SESTD1: variants seen among roughly 807,000 people sequenced by gnomAD.
The protein encoded by SESTD1 is SEC14 and spectrin domain containing 1, also known as SEC14 domain and spectrin repeat-containing protein 1.
A neutral mutation model predicts 101.7 loss-of-function variants in SESTD1; 43 were observed. The observed-to-expected ratio is 0.42, with a 90% CI of 0.33 to 0.55. The LOEUF is 0.55. Ranked by LOEUF, SESTD1 falls within the 20% of genes least tolerant of loss-of-function variation. The probability of loss-of-function intolerance (pLI) is 0.07; values close to 1 mark genes in which losing one functional copy is unlikely to be tolerated. For synonymous variants in SESTD1, 283 were observed against 286.8 expected (o/e 0.99, Z 0.13); for missense variants, 647 against 815.1 (o/e 0.79, Z 2.51).
chr2:179,179,333 A>G (rs1454820640), intron 3 of SESTD1, among the ~76,000 whole-genome samples: 2 of 152,292 alleles, frequency 1.3e-5, no homozygotes, highest in African/African-American at 4.8e-5. Flanking sequence ...CCAGCCTCCT[A>G]GTTCCTAGTC....
At chr2:179,154,828 GTTCTT>G (rs1454010442) in intron 5 of SESTD1, among the ~76,000 whole-genome samples, 2 of 152,138 alleles carry the variant, frequency 1.3e-5, no homozygotes. Context: ...AGAATTACAT[GTTCTT>G]TTCAAGCAAG....
intron 12 of SESTD1, among the ~76,000 whole-genome samples, chr2:179,123,085 C>G (rs1373939342): frequency 6.6e-6 from 1 of 152,084 alleles, no homozygotes; most frequent in South Asian, 2.1e-4. Flanking sequence ...CCCCTTGATA[C>G]GACTCCCCAC....
At chr2:179,124,954 C>G (rs1302590846) in intron 10 of SESTD1, among the ~76,000 whole-genome samples, 2 of 152,116 alleles carry the variant, frequency 1.3e-5, no homozygotes, top group African/African-American at 4.8e-5. Context: ...TAGATTACAT[C>G]TTTTCAGCTT....
chr2:179,105,396 A>G lies in SESTD1; in HGVS notation c.*4503T>C, dbSNP rs995211899. ...TTGCTGTTCTATTATCTTCCTACAAAAATAGCTAATTTGTCAGATTTCAAA... is the reference window on the plus strand; with the variant it reads ...TTGCTGTTCTATTATCTTCCTACAAGAATAGCTAATTTGTCAGATTTCAAA... On this transcript the variant is annotated 3_prime_UTR_variant, in exon 18 of 18. Transcript: ENST00000428443. 4 of 152,064 alleles carry G rather than the reference A, an allele frequency of 2.6e-5. No homozygotes were observed. The highest frequency in any genetic ancestry group is 5.9e-5 in the Non-Finnish European group (4 of 68,016). The allele number at this position is 152,064 out of a possible 1,614,324, so 9.4% of individuals were successfully genotyped here. A position where few individuals can be genotyped will look rare whatever the true frequency, so the allele number is the denominator to read the frequency against.
intron 1 of SESTD1, among the ~76,000 whole-genome samples, chr2:179,213,536 A>C (rs1225882192): frequency 2.2e-5 from 3 of 135,514 alleles, no homozygotes; most frequent in Non-Finnish European, 4.8e-5. Flanking sequence ...GTGTACCTGA[A>C]AGTGAGAAGG....
chr2:179,247,467 C>A (rs1266064011), intron 1 of SESTD1, among the ~76,000 whole-genome samples: 2 of 152,144 alleles, frequency 1.3e-5, no homozygotes, highest in Non-Finnish European at 2.9e-5. Context: ...CTCTGTCACC[C>A]AGGCAGGAAT....
intron 5 of SESTD1, among the ~76,000 whole-genome samples, chr2:179,153,136 A>C (rs1323210533): frequency 6.6e-6 from 1 of 152,218 alleles, no homozygotes; most frequent in Non-Finnish European, 1.5e-5. Flanking sequence ...CAATACCTAT[A>C]AACTCAGAAG....
chr2:179,184,732 T>C (rs1343196462), intron 2 of SESTD1, among the ~76,000 whole-genome samples: 2 of 152,150 alleles, frequency 1.3e-5, no homozygotes, highest in African/African-American at 4.8e-5. Context: ...TTTCATTTAC[T>C]CCTCAAAATT....
chr2:179,233,733 C>G (rs1415194231), intron 1 of SESTD1, among the ~76,000 whole-genome samples: 1 of 152,234 alleles, frequency 6.6e-6, no homozygotes, highest in South Asian at 2.1e-4. Flanking sequence ...GGATCACAGG[C>G]ATGAGCCACC....
chr2:179,128,148 T>A (rs1011247034), intron 10 of SESTD1, among the ~76,000 whole-genome samples: 2 of 152,200 alleles, frequency 1.3e-5, no homozygotes, highest in Non-Finnish European at 2.9e-5. Flanking sequence ...TCAACAAGCA[T>A]CTCTGATGAC....
At chr2:179,150,301 T>C (rs1261993177) in intron 6 of SESTD1, among the ~76,000 whole-genome samples, 2 of 152,042 alleles carry the variant, frequency 1.3e-5, no homozygotes, top group African/African-American at 4.8e-5. Flanking sequence ...AAAATTATTA[T>C]TTAATCTAAA....
intron 3 of SESTD1, 36 bp downstream of exon 3, chr2:179,183,044 A>C: frequency 7.2e-7 from 1 of 1,389,412 alleles, no homozygotes; most frequent in Non-Finnish European, 9.9e-7. Flanking sequence ...GAATGAAAAC[A>C]TACTGAGATT....
chr2:179,150,744 C>T (rs1440451657), intron 6 of SESTD1, among the ~76,000 whole-genome samples: 7 of 151,994 alleles, frequency 4.6e-5, no homozygotes, highest in Admixed American at 6.6e-5. Context: ...TACTTGAATC[C>T]CGGAGGCGGA....
chr2:179,148,204 A>C (rs924100473), intron 7 of SESTD1, among the ~76,000 whole-genome samples: 1 of 152,230 alleles, frequency 6.6e-6, no homozygotes, highest in Non-Finnish European at 1.5e-5. Context: ...AACAACAAGC[A>C]TTTTATTAAG....
At chr2:179,116,122 A>AAACTAGCC (rs1268200694) in intron 15 of SESTD1, among the ~76,000 whole-genome samples, 1 of 151,918 alleles carries the variant, frequency 6.6e-6, no homozygotes, top group Non-Finnish European at 1.5e-5. Flanking sequence ...AAAAAGACAA[A>AAACTAGCC]AACTAGCCAG....
intron 3 of SESTD1, among the ~76,000 whole-genome samples, chr2:179,182,112 T>C (rs1331877906): frequency 6.6e-6 from 1 of 151,912 alleles, no homozygotes; most frequent in Non-Finnish European, 1.5e-5. Context: ...GGAAAAAAGC[T>C]ATTGTGTCAA....
intron 13 of SESTD1, among the ~76,000 whole-genome samples, chr2:179,119,953 G>A (rs1469057574): frequency 6.6e-6 from 1 of 152,096 alleles, no homozygotes; most frequent in Non-Finnish European, 1.5e-5. Flanking sequence ...AGTCTCGGCC[G>A]GGTGCGGTGG....
chr2:179,196,518 CAA>C (rs945953126), intron 1 of SESTD1, among the ~76,000 whole-genome samples: 1 of 152,214 alleles, frequency 6.6e-6, no homozygotes, highest in African/African-American at 2.4e-5. Context: ...CACAGACAAA[CAA>C]AAAGACAGCA....
At chr2:179,202,197 C>A (rs2046527928) in intron 1 of SESTD1, among the ~76,000 whole-genome samples, 1 of 132,976 alleles carries the variant, frequency 7.5e-6, no homozygotes, top group South Asian at 2.9e-4. Flanking sequence ...TTTTACTTTT[C>A]ATTTTGTAAC....
Sources: gnomAD v4.1 joint callset for allele counts (sites outside exome capture counted in the v4.1 genomes callset) on GRCh38, gnomAD v4.1.1 for gene constraint, MANE v1.5 for transcripts, NCBI Gene and HGNC (gene_info 2026-07-23, HGNC 2026-07-21) for gene names.